The following DCC variants were observed in gnomAD, a reference collection of about 807,000 sequenced individuals.
DCC encodes the protein netrin receptor DCC.
A neutral mutation model predicts 172.5 loss-of-function variants in DCC; 58 were observed. That is an observed-to-expected ratio of 0.34 (90% CI 0.27 to 0.42). The LOEUF is 0.42. Ranked by LOEUF, DCC falls within the 10% of genes least tolerant of loss-of-function variation. The pLI is 1.00. For synonymous variants in DCC, 709 were observed against 644.5 expected, an observed-to-expected ratio of 1.10 and a Z score of -1.52; for missense variants, 1,740 against 1,791.0, an observed-to-expected ratio of 0.97 and a Z score of 0.51.
At chr18:52,559,080 C>T (rs931496378) in intron 1 of DCC, among the ~76,000 whole-genome samples, 2 of 152,060 alleles carry the variant, frequency 1.3e-5, no homozygotes, top group African/African-American at 4.8e-5. Flanking sequence ...TGTTAATTTG[C>T]TTCATTATTA....
chr18:53,386,598 G>C (rs902822222), intron 16 of DCC, among the ~76,000 whole-genome samples: 5 of 152,152 alleles, frequency 3.3e-5, no homozygotes, highest in African/African-American at 9.7e-5. Context: ...CTGGCCTTCT[G>C]GGGTGGTTTG....
intron 2 of DCC, among the ~76,000 whole-genome samples, chr18:52,832,629 T>G (rs1315701392): frequency 6.6e-6 from 1 of 152,170 alleles, no homozygotes; most frequent in African/African-American, 2.4e-5. Context: ...ACTCTACTAT[T>G]TAGCATAAGT....
intron 1 of DCC, among the ~76,000 whole-genome samples, chr18:52,665,152 T>A (rs2035441284): frequency 6.6e-6 from 1 of 152,220 alleles, no homozygotes; most frequent in Non-Finnish European, 1.5e-5. Context: ...CAATTTTCAG[T>A]AGGCTGAAGG....
intron 5 of DCC, among the ~76,000 whole-genome samples, chr18:53,015,595 T>G (rs2041796708): frequency 6.6e-6 from 1 of 152,156 alleles, no homozygotes; most frequent in African/African-American, 2.4e-5. Flanking sequence ...TCTTTTTTTC[T>G]TCAGCTTAGA....
At chr18:52,656,153 G>C (rs374487937) in intron 1 of DCC, among the ~76,000 whole-genome samples, 1 of 150,022 alleles carries the variant, frequency 6.7e-6, no homozygotes, top group African/African-American at 2.5e-5. Context: ...TTGATGCTAT[G>C]GTCTAAATGT....
chr18:52,384,416 G>A (rs1985709362), intron 1 of DCC, among the ~76,000 whole-genome samples: 1 of 152,288 alleles, frequency 6.6e-6, no homozygotes, highest in Middle Eastern at 3.4e-3. Context: ...TCATGAATGA[G>A]TGATGTCAAA....
chr18:53,144,689 A>T (rs1304441504), intron 7 of DCC, among the ~76,000 whole-genome samples: 2 of 152,160 alleles, frequency 1.3e-5, no homozygotes, highest in East Asian at 3.9e-4. Flanking sequence ...ATATCTATTC[A>T]CTTCTGAATT....
At chr18:52,834,959 G>C (rs1002894552) in intron 2 of DCC, among the ~76,000 whole-genome samples, 1 of 152,052 alleles carries the variant, frequency 6.6e-6, no homozygotes, top group Non-Finnish European at 1.5e-5. Flanking sequence ...ATCTTTTCAT[G>C]TTACTGCTCG....
intron 1 of DCC, among the ~76,000 whole-genome samples, chr18:52,531,489 G>T (rs1389590387): frequency 2.6e-5 from 4 of 152,102 alleles, no homozygotes; most frequent in African/African-American, 9.7e-5. Flanking sequence ...ATTACAGTAT[G>T]GTTTGTATTT....
At chr18:52,798,765 T>TC (rs1163017974) in intron 2 of DCC, among the ~76,000 whole-genome samples, 2 of 87,912 alleles carry the variant, frequency 2.3e-5, no homozygotes, top group African/African-American at 3.4e-5. Context: ...ATCTTTTTTT[T>TC]TTTTAAGGTG....
At chr18:52,679,431 G>A (rs17755888) in intron 1 of DCC, among the ~76,000 whole-genome samples, 47,722 of 151,636 alleles carry the variant, frequency 0.31, 7,755 homozygotes, top group Admixed American at 0.38. Context: ...TGTTTTCCCC[G>A]TTTCATTTTA....
At chr18:52,983,874 G>GAA (rs35486892) in intron 5 of DCC, among the ~76,000 whole-genome samples, 2 of 152,016 alleles carry the variant, frequency 1.3e-5, no homozygotes, top group South Asian at 4.1e-4. Flanking sequence ...TCAGCTGGGA[G>GAA]AAAAAAATGA....
intron 1 of DCC, among the ~76,000 whole-genome samples, chr18:52,524,573 G>A (rs182896679): frequency 5.9e-5 from 9 of 152,252 alleles, no homozygotes; most frequent in South Asian, 2.1e-4. Context: ...AATTTGTAGA[G>A]CGGTTTTAGC....
chr18:52,373,500 A>AT (rs1172212115), intron 1 of DCC, among the ~76,000 whole-genome samples: 1 of 152,200 alleles, frequency 6.6e-6, no homozygotes, highest in Non-Finnish European at 1.5e-5. Context: ...TATATTTAAA[A>AT]TTATGTTGTT....
chr18:52,378,556 TGAGA>T (rs556624573), intron 1 of DCC, among the ~76,000 whole-genome samples: 68 of 151,784 alleles, frequency 4.5e-4, no homozygotes, highest in African/African-American at 1.5e-3. Context: ...ATACTTTTTT[TGAGA>T]GAGAGAGAGA....
chr18:52,541,177 C>T (rs576064812), intron 1 of DCC, among the ~76,000 whole-genome samples: 3 of 152,230 alleles, frequency 2.0e-5, no homozygotes, highest in East Asian at 1.9e-4. Flanking sequence ...TAAGTCAAGA[C>T]GGGAAGCTGG....
At chr18:53,431,501 T>C (rs11872882) in intron 21 of DCC, among the ~76,000 whole-genome samples, 65,117 of 151,148 alleles carry the variant, frequency 0.43, 15,808 homozygotes, top group Non-Finnish European at 0.55. Context: ...TGTTGTTTTT[T>C]TACTGAGCCA....
chr18:52,481,571 G>GT (rs553202208), intron 1 of DCC, among the ~76,000 whole-genome samples: 45 of 149,660 alleles, frequency 3.0e-4, no homozygotes, highest in Middle Eastern at 3.4e-3. Context: ...ATTTCCAGCA[G>GT]TTTTTTTTTT....
chr18:53,520,621 A>G (rs1305239846), intron 27 of DCC, among the ~76,000 whole-genome samples: 10 of 152,034 alleles, frequency 6.6e-5, no homozygotes. Context: ...AGGGACCCAG[A>G]TTTCACCAGT....
Sources: allele counts gnomAD v4.1 joint callset (sites outside exome capture counted in the v4.1 genomes callset), GRCh38; gene constraint gnomAD v4.1.1; transcripts MANE v1.5; gene names NCBI Gene and HGNC (gene_info 2026-07-23, HGNC 2026-07-21).